The following GABBR1 variants were observed in gnomAD, a reference collection of about 807,000 sequenced individuals.
GABBR1 encodes gamma-aminobutyric acid type B receptor subunit 1, also known as GABA-B receptor, R1 subunit.
In GABBR1, 35 loss-of-function variants were observed where a neutral mutation model predicts 117.7. The ratio of observed to expected loss-of-function variants is 0.30; its 90% CI spans 0.23 to 0.39. The LOEUF (loss-of-function observed/expected upper bound fraction) is 0.39, where lower values mean the gene tolerates loss of function less well. Ranked by LOEUF, GABBR1 falls within the 10% of genes least tolerant of loss-of-function variation. GABBR1 has a pLI of 1.00. For synonymous variants in GABBR1, 442 were observed against 486.6 expected (o/e 0.91, Z 1.21); for missense variants, 709 against 1,241.8 (o/e 0.57, Z 6.45).
At chr6:29,628,288 GCGTGCCAGGAGGGCGGGGTGGGC>G in intron 5 of GABBR1, 1 of 378,984 alleles carries the variant, frequency 2.6e-6, no homozygotes, top group Non-Finnish European at 3.6e-6. Context: ...TGGGGACGGG[GCGTGCCAGGAGGGCGGGGTGGGC>G]GGAGGGAGCC....
In GABBR1 at chr6:29,621,393, C is replaced by T; in HGVS notation, c.1132-101G>A. The T allele has an allele frequency of 1.1e-6, 1 of 896,698 alleles. No homozygotes were observed. The highest frequency in any genetic ancestry group is 1.7e-5 in the African/African-American group (1 of 59,364). The allele number at this position is 896,698 out of a possible 1,614,324, so 55.5% of individuals were successfully genotyped here. A position where few individuals can be genotyped will look rare whatever the true frequency, so the allele number is the denominator to read the frequency against. ...TAGCCTCTTGGGAATCAGGGAAGAGCAGTAGAACTAAAAAGAGAAATCTAC... is the reference window on the plus strand; with the variant it reads ...TAGCCTCTTGGGAATCAGGGAAGAGTAGTAGAACTAAAAAGAGAAATCTAC... On this transcript the variant is annotated intron_variant, in intron 10 of 22. Coordinates refer to ENST00000377034, the MANE Select transcript of GABBR1 (RefSeq NM_001470.4). The surrounding 1 kb of genome is among the most constrained non-coding windows in gnomAD (Gnocchi z 5.0).
rs1761695511 is a variant in GABBR1, at chr6:29,604,082, C to G, written c.2713-366G>C. On this transcript the variant is annotated intron_variant, in intron 22 of 22. Coordinates refer to ENST00000377034, the MANE Select transcript of GABBR1 (RefSeq NM_001470.4). The surrounding 1 kb of genome is among the most constrained non-coding windows in gnomAD (Gnocchi z 5.3). Reference sequence around the variant, plus strand: ...GCATTGCACCAGCCCCTAATGACAGCCTGGGGCACAGTGAACGCCTGCCCA... The same window carrying G: ...GCATTGCACCAGCCCCTAATGACAGGCTGGGGCACAGTGAACGCCTGCCCA... Among the ~76,000 whole-genome samples the G allele has an allele frequency of 6.6e-6, 1 of 152,072 alleles. No individual in the cohort carries two copies. Among genetic ancestry groups the G allele is most frequent in the African/African-American group, 2.4e-5 (1 of 41,380 alleles).
chr6:29,608,275 A>C lies in GABBR1; in HGVS notation c.1992+326T>G, dbSNP rs1363093999. Among the ~76,000 whole-genome samples the C allele has an allele frequency of 2.0e-5, 3 of 152,172 alleles. No individual in the cohort carries two copies. The South Asian group carries it at 6.2e-4, about 32-fold the overall frequency. On this transcript the variant is annotated intron_variant, in intron 16 of 22. Transcript: ENST00000377034. Reference sequence around the variant, plus strand: ...TCCACAGTTCTGATTCTCAGCCCCCATACCACAGACAAGCCACCATTGTTC... The same window carrying C: ...TCCACAGTTCTGATTCTCAGCCCCCCTACCACAGACAAGCCACCATTGTTC...
rs763927441 is a variant in GABBR1, at chr6:29,622,502, T to C, written c.964-297A>G. The stretch of plus-strand genomic sequence containing the variant: ...AAGGCAAAGATGGGGTAAAGAAACA[T>C]AAAGGAACCAGGAAAAGACAAGGCA... On this transcript the variant is annotated intron_variant, in intron 8 of 22. Coordinates refer to ENST00000377034, the MANE Select transcript of GABBR1 (RefSeq NM_001470.4). The surrounding 1 kb of genome is among the most constrained non-coding windows in gnomAD (Gnocchi z 4.6). 5.0e-6 allele frequency: 2 copies of C among 402,246 alleles called. No homozygotes were observed. Among genetic ancestry groups the C allele is most frequent in the Non-Finnish European group, 9.0e-6 (2 of 221,176 alleles). 24.9% of individuals were successfully genotyped at this position (402,246 alleles called of 1,614,324 possible).
At chr6:29,625,923 C>T (rs939582167) in intron 6 of GABBR1, among the ~76,000 whole-genome samples, 4 of 152,138 alleles carry the variant, frequency 2.6e-5, no homozygotes, top group African/African-American at 4.8e-5. Flanking sequence ...TCCTGCCTCC[C>T]GTACCCTAAT....
At chr6:29,628,909 C>G (rs1174788128) in intron 5 of GABBR1, among the ~76,000 whole-genome samples, 178 bp downstream of exon 5, 6 of 147,396 alleles carry the variant, frequency 4.1e-5, no homozygotes, top group African/African-American at 1.5e-4. Flanking sequence ...CGTGGAAAAC[C>G]GGGACTGGAG....
Position 29,613,621 on chromosome 6 carries a change from C to T in GABBR1, c.1324-136G>A, listed in dbSNP as rs1582974031. 2 of 1,121,008 alleles carry T rather than the reference C, an allele frequency of 1.8e-6. No individual in the cohort carries two copies. The highest frequency in any genetic ancestry group is 2.5e-6 in the Non-Finnish European group (2 of 787,274). The allele number at this position is 1,121,008 out of a possible 1,614,324, so 69.4% of individuals were successfully genotyped here. A position where few individuals can be genotyped will look rare whatever the true frequency, so the allele number is the denominator to read the frequency against. On this transcript the variant is annotated intron_variant, in intron 11 of 22. Coordinates refer to ENST00000377034, the MANE Select transcript of GABBR1 (RefSeq NM_001470.4). This position sits in a 1 kb window ranked among gnomAD's most constrained non-coding sequence, Gnocchi z 4.1. ...ACTGTTGTCAGATTGGACACATGTA[C>T]ATTCAAAATCTTTAACTATACCCAT...
At position 29,622,333 on chromosome 6, in the gene GABBR1, C is replaced by T; in HGVS notation, c.964-128G>A. The T allele has an allele frequency of 1.5e-6, 1 of 664,742 alleles. No individual in the cohort carries two copies. The highest frequency in any genetic ancestry group is 2.7e-6 in the Non-Finnish European group (1 of 370,980). The allele number at this position is 664,742 out of a possible 1,614,324, so 41.2% of individuals were successfully genotyped here. The stretch of plus-strand genomic sequence containing the variant: ...AAAGAAGCAGCCATTCTGAACCTTC[C>T]TTCAACAGCTTCTGTCCCTGAAGTG... On this transcript the variant is annotated intron_variant, in intron 8 of 22. Coordinates refer to ENST00000377034, the MANE Select transcript of GABBR1 (RefSeq NM_001470.4). This position sits in a 1 kb window ranked among gnomAD's most constrained non-coding sequence, Gnocchi z 4.6.
chr6:29,607,203 G>A lies in GABBR1; in HGVS notation c.2008C>T (p.Leu670=). The change falls in exon 17 of 23, where the codon CTG becomes TTG. Residue 670 remains leucine (L), a synonymous_variant. Coordinates refer to ENST00000377034, the MANE Select transcript of GABBR1 (RefSeq NM_001470.4). The surrounding 1 kb of genome is among the most constrained non-coding windows in gnomAD (Gnocchi z 5.0). ...PFVCQARLWL[L]GLGFSLGYGS... is the part of the protein sequence containing the mutation. Reference sequence around the variant, plus strand: ...TAGCCCAGACTAAAGCCCAGGCCCAGGAGCCAGAGGCGGGCCTAGAAAGGA... The same window carrying A: ...TAGCCCAGACTAAAGCCCAGGCCCAAGAGCCAGAGGCGGGCCTAGAAAGGA... 6.2e-7 allele frequency: 1 copy of A among 1,614,130 alleles called. No homozygotes were observed. The highest frequency in any genetic ancestry group is 1.1e-5 in the South Asian group (1 of 91,090).
Position 29,604,417 on chromosome 6 carries a change from T to C in GABBR1, c.2712+77A>G. The C allele has an allele frequency of 1.3e-6, 2 of 1,580,970 alleles. No homozygotes were observed. The highest frequency in any genetic ancestry group is 2.2e-5 in the South Asian group (2 of 89,784). ...AACATCTGACCCTGTATCTCAGGCTTGGCTTCAGACAACCCAAGCTAAGAC... is the reference window on the plus strand; with the variant it reads ...AACATCTGACCCTGTATCTCAGGCTCGGCTTCAGACAACCCAAGCTAAGAC... On this transcript the variant is annotated intron_variant, in intron 22 of 22. Transcript: ENST00000377034. The surrounding 1 kb of genome is among the most constrained non-coding windows in gnomAD (Gnocchi z 5.3).
intron 5 of GABBR1, 144 bp downstream of exon 5, chr6:29,628,943 G>A: frequency 1.2e-6 from 1 of 841,262 alleles, no homozygotes; most frequent in East Asian, 2.5e-5. Flanking sequence ...AGGGAGGGAA[G>A]GGGGTGGCCG....
Position 29,632,749 on chromosome 6 carries a change from GC to G in GABBR1, c.-1+100del. 3 of 983,400 alleles carry G rather than the reference GC, an allele frequency of 3.1e-6. No individual in the cohort carries two copies. Among genetic ancestry groups the G allele is most frequent in the East Asian group, 8.4e-5 (1 of 11,940 alleles). 60.9% of individuals were successfully genotyped at this position (983,400 alleles called of 1,614,324 possible). A position where few individuals can be genotyped will look rare whatever the true frequency, so the allele number is the denominator to read the frequency against. On this transcript the variant is annotated intron_variant, in intron 1 of 22. Transcript: ENST00000377034. This position sits in a 1 kb window ranked among gnomAD's most constrained non-coding sequence, Gnocchi z 5.8. ...TCCCCGCGGTTCCTCCTCTCCCCCA[GC>G]CCCGCTTCCCCCAGCTGGGCCCTGC...
Position 29,623,582 on chromosome 6 carries a change from C to T in GABBR1, c.793-107G>A. 2.6e-6 allele frequency: 3 copies of T among 1,168,542 alleles called. No homozygotes were observed. Among genetic ancestry groups the T allele is most frequent in the Non-Finnish European group, 3.6e-6 (3 of 826,934 alleles). 72.4% of individuals were successfully genotyped at this position (1,168,542 alleles called of 1,614,324 possible). On this transcript the variant is annotated intron_variant, in intron 7 of 22. Coordinates refer to ENST00000377034, the MANE Select transcript of GABBR1 (RefSeq NM_001470.4). The surrounding 1 kb of genome is among the most constrained non-coding windows in gnomAD (Gnocchi z 6.2). ...CCTGCCTTTGGGTTTCTCTTCCTTACTCTCTCCAAACCTCCCCACCTCTGG... is the reference window on the plus strand; with the variant it reads ...CCTGCCTTTGGGTTTCTCTTCCTTATTCTCTCCAAACCTCCCCACCTCTGG...
Position 29,606,786 on chromosome 6 carries a change from G to T in GABBR1, c.2217+111C>A. 1.2e-6 allele frequency: 1 copy of T among 838,730 alleles called. No individual in the cohort carries two copies. Among genetic ancestry groups the T allele is most frequent in the Non-Finnish European group, 1.9e-6 (1 of 522,352 alleles). 52.0% of individuals were successfully genotyped at this position (838,730 alleles called of 1,614,324 possible). Reference sequence around the variant, plus strand: ...AAGGAAGAGCTTCCAATACGAGGAAGGCACTCTCTCCAAGTAGCTTCATCC... The same window carrying T: ...AAGGAAGAGCTTCCAATACGAGGAATGCACTCTCTCCAAGTAGCTTCATCC... On this transcript the variant is annotated intron_variant, in intron 18 of 22. Transcript: ENST00000377034. This position sits in a 1 kb window ranked among gnomAD's most constrained non-coding sequence, Gnocchi z 4.5.
rs3215531 is a variant in GABBR1 at position 29,631,913 on chromosome 6, T to TAA, written c.86-316_86-315dup. On this transcript the variant is annotated intron_variant, in intron 2 of 22. Transcript: ENST00000377034. The surrounding 1 kb of genome is among the most constrained non-coding windows in gnomAD (Gnocchi z 5.9). The stretch of plus-strand genomic sequence containing the variant: ...ATGATATGTGGGTGGAGCTTTTCTT[T>TAA]AAAAAAAAAGGCTAAATGAGGATAT... Among the ~76,000 whole-genome samples, 13,832 of 150,196 alleles carry TAA rather than the reference T, an allele frequency of 0.092. 765 individuals carry two copies. Among genetic ancestry groups the TAA allele is most frequent in the Middle Eastern group, 0.2 (58 of 292 alleles).
chr6:29,607,637 C>A lies in GABBR1; in HGVS notation c.1993-419G>T, dbSNP rs1285893394. On this transcript the variant is annotated intron_variant, in intron 16 of 22. Coordinates refer to ENST00000377034, the MANE Select transcript of GABBR1 (RefSeq NM_001470.4). This position sits in a 1 kb window ranked among gnomAD's most constrained non-coding sequence, Gnocchi z 5.0. ...CGCTCCAGCCATGCTGAACTACTCA[C>A]TTTCTCTTCATCTACTCTCTTTCAT... Among the ~76,000 whole-genome samples, 3 of 152,328 alleles carry A rather than the reference C, an allele frequency of 2.0e-5. No homozygotes were observed. The highest frequency in any genetic ancestry group is 3.9e-4 in the East Asian group (2 of 5,190).
At position 29,611,414 on chromosome 6, in the gene GABBR1, A is replaced by G. The variant is rs896936624; in HGVS notation, c.1631-413T>C. Reference sequence around the variant, plus strand: ...CCAGTGGCTTTCATTTTAATTTTAGAACATTCTCTTCTGTTGGCTTGGGTT... The same window carrying G: ...CCAGTGGCTTTCATTTTAATTTTAGGACATTCTCTTCTGTTGGCTTGGGTT... On this transcript the variant is annotated intron_variant, in intron 13 of 22. Coordinates refer to ENST00000377034, the MANE Select transcript of GABBR1 (RefSeq NM_001470.4). This position sits in a 1 kb window ranked among gnomAD's most constrained non-coding sequence, Gnocchi z 4.6. 6.6e-6 allele frequency among the ~76,000 whole-genome samples: 1 copy of G among 152,204 alleles called. No homozygotes were observed. Among genetic ancestry groups the G allele is most frequent in the Non-Finnish European group, 1.5e-5 (1 of 68,032 alleles).
intron 6 of GABBR1, among the ~76,000 whole-genome samples, chr6:29,625,147 TTC>T (rs926551685): frequency 6.6e-6 from 1 of 152,124 alleles, no homozygotes; most frequent in African/African-American, 2.4e-5. Context: ...TCACTGAGAA[TTC>T]TCTGTTGCCC....
intron 11 of GABBR1, among the ~76,000 whole-genome samples, chr6:29,619,903 C>T (rs529814295): frequency 4.3e-4 from 65 of 152,334 alleles, no homozygotes; most frequent in African/African-American, 1.5e-3. Context: ...TGTCCCAAAA[C>T]AGTGTGTATC....
Sources: gnomAD v4.1 joint callset for allele counts (sites outside exome capture counted in the v4.1 genomes callset) on GRCh38, gnomAD v4.1.1 for gene constraint, Gnocchi (gnomAD v3.1) non-coding constraint, MANE v1.5 for transcripts, NCBI Gene and HGNC (gene_info 2026-07-23, HGNC 2026-07-21) for gene names.